Variants in TECRL observed in about 807,000 individuals in gnomAD.
TECRL encodes trans-2,3-enoyl-CoA reductase like, also known as trans-2,3-enoyl-CoA reductase-like.
Under a neutral mutation model 52.8 loss-of-function variants are expected in TECRL, and 63 were observed. That is an observed-to-expected ratio of 1.19 (90% CI 0.97 to 1.47). TECRL has a LOEUF of 1.47. Among genes scored for constraint, TECRL ranks in the 40% most tolerant of loss-of-function variants. The pLI is 0.00. For synonymous variants in TECRL, 164 were observed against 141.9 expected (o/e 1.16, Z -1.10); for missense variants, 482 against 429.6 (o/e 1.12, Z -1.08).
At chr4:64,406,153 C>CGT (rs555535266) in intron 1 of TECRL, among the ~76,000 whole-genome samples, 2,471 of 99,588 alleles carry the variant, frequency 0.025, 35 homozygotes, top group South Asian at 0.053. Context: ...GTTAGGCGCG[C>CGT]GCGCGCGCGC....
chr4:64,319,453 A>G (rs184780776), intron 4 of TECRL, among the ~76,000 whole-genome samples: 1 of 151,998 alleles, frequency 6.6e-6, no homozygotes, highest in African/African-American at 2.4e-5. Flanking sequence ...TTGATAAATT[A>G]GACTGCATTA....
At chr4:64,369,358 C>T (rs531008722) in intron 2 of TECRL, among the ~76,000 whole-genome samples, 79 of 152,176 alleles carry the variant, frequency 5.2e-4, no homozygotes, top group African/African-American at 1.9e-3. Flanking sequence ...TTTTTTTACA[C>T]TGCCATATGA....
At chr4:64,340,279 G>C (rs1719464026) in intron 2 of TECRL, among the ~76,000 whole-genome samples, 1 of 152,148 alleles carries the variant, frequency 6.6e-6, no homozygotes, top group African/African-American at 2.4e-5. Context: ...TCACTCCATG[G>C]AGCAGGCATG....
chr4:64,343,585 G>GACACAC (rs146974193), intron 2 of TECRL, among the ~76,000 whole-genome samples: 7 of 149,244 alleles, frequency 4.7e-5, no homozygotes, highest in African/African-American at 9.8e-5. Context: ...CACACACACA[G>GACACAC]ACACACACAC....
intron 2 of TECRL, among the ~76,000 whole-genome samples, chr4:64,361,281 C>A (rs1408458688): frequency 6.6e-6 from 1 of 152,188 alleles, no homozygotes; most frequent in Admixed American, 6.6e-5. Context: ...CCACCTGCCA[C>A]TTTAGTGACT....
At chr4:64,379,595 CTA>C (rs1722636365) in intron 1 of TECRL, among the ~76,000 whole-genome samples, 3 of 152,222 alleles carry the variant, frequency 2.0e-5, no homozygotes, top group Admixed American at 6.5e-5. Context: ...TTATCTAACT[CTA>C]TGTTTCTACC....
intron 4 of TECRL, among the ~76,000 whole-genome samples, chr4:64,321,207 A>T (rs1485790814): frequency 6.6e-6 from 1 of 152,066 alleles, no homozygotes; most frequent in African/African-American, 2.4e-5. Context: ...AAAGACTGTT[A>T]GAAAATATTC....
chr4:64,383,065 C>T (rs1722931917), intron 1 of TECRL, among the ~76,000 whole-genome samples: 1 of 152,024 alleles, frequency 6.6e-6, no homozygotes, highest in Non-Finnish European at 1.5e-5. Flanking sequence ...ATATGGTATT[C>T]TTGATTGTCA....
intron 1 of TECRL, among the ~76,000 whole-genome samples, chr4:64,403,493 A>G (rs1724502020): frequency 6.6e-6 from 1 of 151,946 alleles, no homozygotes; most frequent in Non-Finnish European, 1.5e-5. Context: ...ACACACACAC[A>G]CACACACACA....
intron 9 of TECRL, among the ~76,000 whole-genome samples, chr4:64,286,465 AC>A (rs903238960): frequency 3.3e-5 from 5 of 151,824 alleles, no homozygotes; most frequent in African/African-American, 1.2e-4. Context: ...GTACAGTGTA[AC>A]CCCCCTATAC....
intron 1 of TECRL, among the ~76,000 whole-genome samples, chr4:64,391,636 T>G (rs776018484): frequency 5.3e-5 from 8 of 151,892 alleles, no homozygotes; most frequent in Non-Finnish European, 8.8e-5. Context: ...GCTGTCTCTA[T>G]TCTCAATATT....
At chr4:64,310,259 C>T (rs1215525942) in intron 5 of TECRL, among the ~76,000 whole-genome samples, 3 of 152,162 alleles carry the variant, frequency 2.0e-5, no homozygotes, top group African/African-American at 7.2e-5. Context: ...TATCGAAATA[C>T]TTCGACTGAA....
At chr4:64,277,133 G>A (rs965967313), downstream of TECRL, 8 of 951,320 alleles carry the variant, frequency 8.4e-6, no homozygotes, top group Middle Eastern at 2.7e-4. Context: ...TCTGCCAACA[G>A]TAAGGGAATA....
chr4:64,392,034 C>G (rs4860599), intron 1 of TECRL, among the ~76,000 whole-genome samples: 95,338 of 151,700 alleles, frequency 0.63, 31,625 homozygotes, highest in Non-Finnish European at 0.74. Flanking sequence ...ATTTTCTACA[C>G]ATACTGCATA....
chr4:64,319,804 G>C (rs1165809116), intron 4 of TECRL, among the ~76,000 whole-genome samples: 1 of 151,828 alleles, frequency 6.6e-6, no homozygotes, highest in African/African-American at 2.4e-5. Context: ...CAAAAATCAG[G>C]ATGGATTTCA....
At chr4:64,300,044 T>C (rs1256524561) in intron 7 of TECRL, 27 bp from the exon 8 acceptor site, 1 of 1,536,552 alleles carries the variant, frequency 6.5e-7, no homozygotes. Flanking sequence ...GAATATGTCA[T>C]GCAGATACTC....
At chr4:64,277,198 G>T, downstream of TECRL, 1 of 478,994 alleles carries the variant, frequency 2.1e-6, no homozygotes, top group Non-Finnish European at 3.6e-6. Flanking sequence ...GTAGTATAAT[G>T]GGAAAAAAAA....
intron 2 of TECRL, among the ~76,000 whole-genome samples, chr4:64,345,513 A>G (rs1319761156): frequency 1.5e-5 from 2 of 134,348 alleles, no homozygotes; most frequent in African/African-American, 5.6e-5. Context: ...GAACACATGG[A>G]CACAGGAAGA....
chr4:64,368,761 C>T (rs555000914), intron 2 of TECRL, among the ~76,000 whole-genome samples: 11 of 152,206 alleles, frequency 7.2e-5, no homozygotes, highest in African/African-American at 2.6e-4. Context: ...ATTCCACAGC[C>T]TTGTCCAGGG....
Sources: gnomAD v4.1 joint callset for allele counts (sites outside exome capture counted in the v4.1 genomes callset) on GRCh38, gnomAD v4.1.1 for gene constraint, MANE v1.5 for transcripts, NCBI Gene and HGNC (gene_info 2026-07-23, HGNC 2026-07-21) for gene names.